FAM117A: variants seen among roughly 807,000 people sequenced by gnomAD.
FAM117A encodes family with sequence similarity 117 member A.
FAM117A carries 21 observed loss-of-function variants against 44.1 expected under a neutral mutation model. That is an observed-to-expected ratio of 0.48 (90% CI 0.34 to 0.69). The LOEUF is 0.69. FAM117A is among the 30% of genes least tolerant of loss of function. FAM117A has a pLI of 0.01. For synonymous variants in FAM117A, 220 were observed against 238.3 expected (o/e 0.92, Z 0.71); for missense variants, 498 against 589.9 (o/e 0.84, Z 1.61).
intron 7 of FAM117A, 47 bp downstream of exon 7, chr17:49,716,118 G>A: frequency 1.9e-6 from 3 of 1,593,634 alleles, no homozygotes; most frequent in East Asian, 2.2e-5. Flanking sequence ...GTGGGAGAAT[G>A]TAGGCCCACC....
At chr17:49,738,830 TA>T (rs1232450135) in intron 1 of FAM117A, among the ~76,000 whole-genome samples, 3 of 152,024 alleles carry the variant, frequency 2.0e-5, no homozygotes, top group Non-Finnish European at 4.4e-5. Flanking sequence ...TTTAATAGTT[TA>T]AAAAAAACTA....
intron 1 of FAM117A, among the ~76,000 whole-genome samples, chr17:49,742,617 G>C (rs1251627779): frequency 6.6e-6 from 1 of 152,044 alleles, no homozygotes; most frequent in Non-Finnish European, 1.5e-5. Flanking sequence ...CATGGCCTTT[G>C]CAAGAATAGC....
At chr17:49,752,178 G>A (rs2073680276) in intron 1 of FAM117A, among the ~76,000 whole-genome samples, 1 of 152,116 alleles carries the variant, frequency 6.6e-6, no homozygotes, top group Admixed American at 6.5e-5. Flanking sequence ...CCTCCAAGAA[G>A]TCAATTATCC....
chr17:49,733,000 ATGGACTAT>A, intron 1 of FAM117A: 1 of 361,980 alleles, frequency 2.8e-6, no homozygotes, highest in Non-Finnish European at 5.2e-6. Context: ...CCTGCTCCTA[ATGGACTAT>A]GAACCGTGAA....
intron 1 of FAM117A, among the ~76,000 whole-genome samples, chr17:49,744,979 A>C (rs1464041472): frequency 1.4e-5 from 2 of 140,474 alleles, no homozygotes; most frequent in Non-Finnish European, 3.0e-5. Context: ...GCATCACTGC[A>C]CTCCAGCCTG....
At chr17:49,736,238 A>C (rs1304812421) in intron 1 of FAM117A, among the ~76,000 whole-genome samples, 1 of 151,664 alleles carries the variant, frequency 6.6e-6, no homozygotes, top group Non-Finnish European at 1.5e-5. Flanking sequence ...TCCTAGGTTA[A>C]ACCTCTTCAA....
chr17:49,743,137 A>G (rs1031800099), intron 1 of FAM117A, among the ~76,000 whole-genome samples: 10 of 152,198 alleles, frequency 6.6e-5, no homozygotes, highest in Admixed American at 6.5e-4. Flanking sequence ...AGACTCAACT[A>G]TGTCATGACC....
At chr17:49,761,646 C>A (rs2073722800) in intron 1 of FAM117A, among the ~76,000 whole-genome samples, 1 of 152,184 alleles carries the variant, frequency 6.6e-6, no homozygotes, top group South Asian at 2.1e-4. Context: ...AGGTTTATGA[C>A]TACAAGGGGT....
At chr17:49,738,377 T>A (rs2073619511) in intron 1 of FAM117A, among the ~76,000 whole-genome samples, 1 of 151,784 alleles carries the variant, frequency 6.6e-6, no homozygotes, top group African/African-American at 2.4e-5. Flanking sequence ...TTCCTCCATA[T>A]ACAAAAAAAT....
At chr17:49,771,117 G>A (rs982166368) in intron 1 of FAM117A, among the ~76,000 whole-genome samples, 8 of 149,278 alleles carry the variant, frequency 5.4e-5, no homozygotes, top group African/African-American at 2.0e-4. Flanking sequence ...TGAGGCAGAA[G>A]AATCGTTTGA....
chr17:49,713,337 C>T (rs2073486923), intron 7 of FAM117A, among the ~76,000 whole-genome samples: 1 of 152,172 alleles, frequency 6.6e-6, no homozygotes, highest in Non-Finnish European at 1.5e-5. Context: ...TGAAACAGCC[C>T]TAAGAAGCTG....
chr17:49,731,361 G>A (rs2073584004), intron 2 of FAM117A, among the ~76,000 whole-genome samples: 1 of 152,164 alleles, frequency 6.6e-6, no homozygotes, highest in African/African-American at 2.4e-5. Context: ...CGTTTAAACT[G>A]CATCAAAAGG....
At chr17:49,741,885 A>G (rs961939196) in intron 1 of FAM117A, among the ~76,000 whole-genome samples, 2 of 152,066 alleles carry the variant, frequency 1.3e-5, no homozygotes, top group Non-Finnish European at 2.9e-5. Flanking sequence ...TTTGTGGGGA[A>G]GTTGTGGCGA....
intron 7 of FAM117A, among the ~76,000 whole-genome samples, chr17:49,715,827 T>C (rs548236335): frequency 6.6e-6 from 1 of 152,262 alleles, no homozygotes; most frequent in South Asian, 2.1e-4. Context: ...TCGCTCTCTC[T>C]CTCTGATTAT....
chr17:49,730,269 T>C (rs2073579099), intron 2 of FAM117A, among the ~76,000 whole-genome samples: 1 of 152,350 alleles, frequency 6.6e-6, no homozygotes, highest in Non-Finnish European at 1.5e-5. Flanking sequence ...GAAAGCTGCA[T>C]GGCTTGGCCT....
chr17:49,787,906 A>C (rs2073826093), intron 1 of FAM117A, among the ~76,000 whole-genome samples: 1 of 152,174 alleles, frequency 6.6e-6, no homozygotes, highest in Non-Finnish European at 1.5e-5. Context: ...ATTTGAGCTA[A>C]ATGGGGTTCA....
chr17:49,731,481 A>G (rs1285594271), intron 2 of FAM117A, among the ~76,000 whole-genome samples: 1 of 150,584 alleles, frequency 6.6e-6, no homozygotes, highest in Non-Finnish European at 1.5e-5. Context: ...TTATCCAAAA[A>G]TTGGTAAATG....
chr17:49,720,286 G>A, intron 4 of FAM117A, 40 bp downstream of exon 4: 1 of 1,525,192 alleles, frequency 6.6e-7, no homozygotes, highest in African/African-American at 1.4e-5. Context: ...GGCCTGCATG[G>A]AGGAGAACAG....
At chr17:49,763,460 C>T (rs1459364172) in intron 1 of FAM117A, among the ~76,000 whole-genome samples, 1 of 151,618 alleles carries the variant, frequency 6.6e-6, no homozygotes, top group African/African-American at 2.4e-5. Context: ...TACTCCATGC[C>T]CCTCCCCCTC....
Sources: gnomAD v4.1 joint callset for allele counts (sites outside exome capture counted in the v4.1 genomes callset) on GRCh38, gnomAD v4.1.1 for gene constraint, MANE v1.5 for transcripts, NCBI Gene and HGNC (gene_info 2026-07-23, HGNC 2026-07-21) for gene names.